The following SEC14L2 variants were observed in gnomAD, a reference collection of about 807,000 sequenced individuals.
SEC14L2 encodes the protein SEC14-like protein 2.
In SEC14L2, 50 loss-of-function variants were observed where a neutral mutation model predicts 56.9. That is an observed-to-expected ratio of 0.88 (90% CI 0.70 to 1.11). The LOEUF is 1.11. Among genes scored for constraint, SEC14L2 ranks in the 50% most tolerant of loss-of-function variants. The pLI, the probability that SEC14L2 is intolerant of heterozygous loss-of-function variation, is 0.00. For synonymous variants in SEC14L2, 179 were observed against 188.5 expected (o/e 0.95, Z 0.41); for missense variants, 414 against 500.7 (o/e 0.83, Z 1.65).
At chr22:30,407,247 A>G (rs1464005717) in intron 4 of SEC14L2, 93 bp downstream of exon 4, 8 of 1,510,432 alleles carry the variant, frequency 5.3e-6, no homozygotes, top group Non-Finnish European at 7.3e-6. Flanking sequence ...CCTTAGAGGA[A>G]AGGTCTGACA....
At chr22:30,401,054 A>G (rs1933917038) in intron 2 of SEC14L2, among the ~76,000 whole-genome samples, 1 of 149,656 alleles carries the variant, frequency 6.7e-6, no homozygotes, top group African/African-American at 2.4e-5. Flanking sequence ...ATCATATCCT[A>G]AAATATTAAA....
rs1395448259 is a variant in SEC14L2, at chr22:30,422,455, T to C, written c.*48T>C. 2.5e-6 allele frequency: 4 copies of C among 1,610,214 alleles called. No individual in the cohort carries two copies. Among genetic ancestry groups the C allele is most frequent in the East Asian group, 4.5e-5 (2 of 44,850 alleles). ...GGCCCCCTCAGTGTCTCCCTGTCAA[T>C]TTCTACCCCTTGTAGCAGTCATTTT... On this transcript the variant is annotated 3_prime_UTR_variant, in exon 12 of 12. Transcript: ENST00000615189.
At chr22:30,397,253 T>C in intron 1 of SEC14L2, 83 bp downstream of exon 1, 2 of 1,183,318 alleles carry the variant, frequency 1.7e-6, no homozygotes, top group Non-Finnish European at 2.3e-6. Flanking sequence ...CGGGGCTGGG[T>C]GGGGGCCGAG....
At chr22:30,415,129 T>G (rs377340333) in intron 8 of SEC14L2, among the ~76,000 whole-genome samples, 3 of 152,254 alleles carry the variant, frequency 2.0e-5, no homozygotes, top group Non-Finnish European at 2.9e-5. Context: ...TAAGGCACTT[T>G]ATGGTTTAAA....
chr22:30,419,606 G>A (rs1425617894), intron 11 of SEC14L2, among the ~76,000 whole-genome samples: 3 of 152,138 alleles, frequency 2.0e-5, no homozygotes, highest in Admixed American at 6.5e-5. Flanking sequence ...GGGGTCCCCC[G>A]GAGCAGTGGT....
rs1031386081 is a variant in SEC14L2, at chr22:30,424,656, AT to A, written c.*2257del. ...GTGCTCGTCAATGTTGGCTACTCTC[AT>A]TTTTTTTGCAGACGTGGGAACTGGG... On this transcript the variant is annotated 3_prime_UTR_variant, in exon 12 of 12. Coordinates refer to ENST00000615189, the MANE Select transcript of SEC14L2 (RefSeq NM_012429.5). 15 of 453,252 alleles carry A rather than the reference AT, an allele frequency of 3.3e-5. No individual in the cohort carries two copies. Among genetic ancestry groups the A allele is most frequent in the Non-Finnish European group, 4.9e-5 (11 of 225,644 alleles). 28.1% of individuals were successfully genotyped at this position (453,252 alleles called of 1,614,324 possible).
chr22:30,397,842 A>G (rs1025626184), intron 1 of SEC14L2: 3 of 470,922 alleles, frequency 6.4e-6, no homozygotes, highest in African/African-American at 6.0e-5. Context: ...TTCAGGACTT[A>G]AGGTTTATGC....
At chr22:30,409,382 A>G in intron 6 of SEC14L2, 44 bp from the exon 7 acceptor site, 1 of 1,610,492 alleles carries the variant, frequency 6.2e-7, no homozygotes, top group East Asian at 2.2e-5. Flanking sequence ...CAATGGGGGC[A>G]GATTCTGAGC....
At chr22:30,421,422 C>T (rs1396498607) in intron 11 of SEC14L2, 3 of 152,244 alleles carry the variant, frequency 2.0e-5, no homozygotes, top group African/African-American at 7.2e-5. Flanking sequence ...CTTGTTTTGG[C>T]CTCAGGACAC....
chr22:30,399,792 C>A (rs377561377), intron 2 of SEC14L2, 74 bp downstream of exon 2: 2 of 1,384,426 alleles, frequency 1.4e-6, no homozygotes, highest in African/African-American at 1.4e-5. Context: ...CTCTGAAAAC[C>A]CTGCCCTTGG....
intron 1 of SEC14L2, chr22:30,398,879 T>C: frequency 2.2e-6 from 1 of 452,498 alleles, no homozygotes; most frequent in Non-Finnish European, 4.7e-6. Flanking sequence ...ACTTAGCCTC[T>C]CTGAGCTTTA....
At chr22:30,408,975 G>A in intron 5 of SEC14L2, 1 of 647,042 alleles carries the variant, frequency 1.5e-6, no homozygotes, top group Non-Finnish European at 2.9e-6. Context: ...GTCATGTACT[G>A]GAAAAGAACA....
chr22:30,404,371 A>T (rs1243962741), intron 2 of SEC14L2, among the ~76,000 whole-genome samples: 1 of 152,116 alleles, frequency 6.6e-6, no homozygotes, highest in East Asian at 1.9e-4. Flanking sequence ...GAGGGAGCCT[A>T]TGGGCCCAGG....
chr22:30,422,139 G>C, intron 11 of SEC14L2, 138 bp from the exon 12 acceptor site: 1 of 1,073,720 alleles, frequency 9.3e-7, no homozygotes. Flanking sequence ...GAAGGTCAAG[G>C]ATCATTACCT....
In SEC14L2 at chr22:30,424,861, C is replaced by T. The variant is rs1479911378; in HGVS notation, c.*2454C>T. 2 of 455,554 alleles carry T rather than the reference C, an allele frequency of 4.4e-6. No individual in the cohort carries two copies. Among genetic ancestry groups the T allele is most frequent in the Non-Finnish European group, 8.8e-6 (2 of 226,362 alleles). 28.2% of individuals were successfully genotyped at this position (455,554 alleles called of 1,614,324 possible). A position where few individuals can be genotyped will look rare whatever the true frequency, so the allele number is the denominator to read the frequency against. ...GGCTTCCTCCTGTTGTAATCACTAA[C>T]CCCAACTCTGTCTCCCTTGCCCGAT... is the stretch of plus-strand genomic sequence containing the variant. On this transcript the variant is annotated 3_prime_UTR_variant, in exon 12 of 12. Coordinates refer to ENST00000615189, the MANE Select transcript of SEC14L2 (RefSeq NM_012429.5).
rs115440858 is a variant in SEC14L2 at position 30,425,199 on chromosome 22, G to A, written c.*2792G>A. 796 of 207,084 alleles carry A rather than the reference G, an allele frequency of 3.8e-3. 5 individuals are homozygous for A. Among genetic ancestry groups the A allele is most frequent in the African/African-American group, 0.018 (751 of 42,880 alleles). 12.8% of individuals were successfully genotyped at this position (207,084 alleles called of 1,614,324 possible). On this transcript the variant is annotated 3_prime_UTR_variant, in exon 12 of 12. Coordinates refer to ENST00000615189, the MANE Select transcript of SEC14L2 (RefSeq NM_012429.5). ...GCCTCCATTTTCTCACCTGTAAAAC[G>A]GGCTCCCAGGCTGGTGGGAGGGTTT...
At chr22:30,404,018 AAAAAAAAAAAAG>A (rs1316190101) in intron 2 of SEC14L2, among the ~76,000 whole-genome samples, 2 of 137,682 alleles carry the variant, frequency 1.5e-5, no homozygotes, top group African/African-American at 2.7e-5. Flanking sequence ...TCAAAAAAAA[AAAAAAAAAAAAG>A]AAAAAAAAAA....
In SEC14L2 at chr22:30,415,787, T is replaced by C. The variant is rs370008864; in HGVS notation, c.693T>C (p.His231=). 2.2e-5 allele frequency: 36 copies of C among 1,614,004 alleles called. No individual in the cohort carries two copies. The highest frequency in any genetic ancestry group is 2.7e-5 in the Non-Finnish European group (32 of 1,180,034). ...GANWKEVLLK[H]ISPDQVPVEY... ...ATTGGAAGGAGGTTTTACTGAAACA[T>C]ATCAGCCCTGACCAGGTGCCTGTGG... The change falls in exon 9 of 12, where the codon CAT becomes CAC. Residue 231 remains histidine, a synonymous_variant. Coordinates refer to ENST00000615189, the MANE Select transcript of SEC14L2 (RefSeq NM_012429.5).
intron 5 of SEC14L2, among the ~76,000 whole-genome samples, chr22:30,408,690 T>C (rs1934165219): frequency 2.0e-5 from 3 of 152,182 alleles, no homozygotes; most frequent in Non-Finnish European, 4.4e-5. Flanking sequence ...AAAGATCCAG[T>C]GAAATGATGT....
Sources: gnomAD v4.1 joint callset for allele counts (sites outside exome capture counted in the v4.1 genomes callset) on GRCh38, gnomAD v4.1.1 for gene constraint, MANE v1.5 for transcripts, NCBI Gene and HGNC (gene_info 2026-07-23, HGNC 2026-07-21) for gene names.